NXPH1: variants seen among roughly 807,000 people sequenced by gnomAD.
The protein encoded by NXPH1 is neurexophilin 1.
NXPH1 carries 5 observed loss-of-function variants against 23.7 expected under a neutral mutation model. The ratio of observed to expected loss-of-function variants is 0.21; its 90% confidence interval spans 0.11 to 0.44. The LOEUF is 0.44. Among genes scored for constraint, NXPH1 ranks in the 20% least tolerant of loss-of-function variants. NXPH1 has a pLI of 0.99. For missense variants in NXPH1, 324 were observed against 321.6 expected, an observed-to-expected ratio of 1.01 and a Z score of -0.06; for synonymous variants, 144 against 122.2, an observed-to-expected ratio of 1.18 and a Z score of -1.18.
chr7:8,629,399 A>T (rs1820074003), intron 2 of NXPH1, among the ~76,000 whole-genome samples: 1 of 152,150 alleles, frequency 6.6e-6, no homozygotes, highest in South Asian at 2.1e-4. Context: ...ATTTGTAACT[A>T]CTAAGAAAAG....
At position 8,659,393 on chromosome 7, in the gene NXPH1, C is replaced by T. The variant is rs1446329025; in HGVS notation, c.55-91615C>T. ...GCTTCTTTGCGATGTGTTCAAACAT[C>T]CTCCTTTAGCTCAGAGAAGTTTGAT... is the stretch of plus-strand genomic sequence containing the variant. On this transcript the variant is annotated intron_variant, in intron 2 of 2. Coordinates refer to ENST00000405863, the MANE Select transcript of NXPH1 (RefSeq NM_152745.3). Among the ~76,000 whole-genome samples, 3 of 152,258 alleles carry T rather than the reference C, an allele frequency of 2.0e-5. No homozygotes were observed. The East Asian group carries it at 5.8e-4, about 29-fold the overall frequency.
At chr7:8,624,350 G>C (rs969666580) in intron 2 of NXPH1, among the ~76,000 whole-genome samples, 12 of 152,162 alleles carry the variant, frequency 7.9e-5, no homozygotes, top group African/African-American at 2.9e-4. Flanking sequence ...GTTGGAGGAA[G>C]GTTGTCCAGA....
At chr7:8,493,629 G>A (rs929800818) in intron 2 of NXPH1, among the ~76,000 whole-genome samples, 6 of 152,104 alleles carry the variant, frequency 3.9e-5, no homozygotes, top group Middle Eastern at 3.4e-3. Context: ...GTCCACTTAC[G>A]GGATTAGAAG....
chr7:8,522,663 T>A (rs1817792257), intron 2 of NXPH1, among the ~76,000 whole-genome samples: 1 of 152,210 alleles, frequency 6.6e-6, no homozygotes, highest in Non-Finnish European at 1.5e-5. Flanking sequence ...TCCTCCTGCA[T>A]TTCAGAAAAC....
intron 2 of NXPH1, among the ~76,000 whole-genome samples, chr7:8,672,700 A>G (rs1820890422): frequency 6.6e-6 from 1 of 152,200 alleles, no homozygotes; most frequent in Non-Finnish European, 1.5e-5. Context: ...ATTGTTTCAC[A>G]GAGGCGACCT....
chr7:8,448,006 C>T (rs1445861870), intron 2 of NXPH1, among the ~76,000 whole-genome samples: 1 of 152,184 alleles, frequency 6.6e-6, no homozygotes, highest in African/African-American at 2.4e-5. Context: ...AGCAAACAGG[C>T]CTGTTTTCAG....
chr7:8,708,093 A>T (rs1397679256), intron 2 of NXPH1, among the ~76,000 whole-genome samples: 2 of 152,198 alleles, frequency 1.3e-5, no homozygotes, highest in Non-Finnish European at 2.9e-5. Context: ...ATGCTGTTAC[A>T]AAGGATTCAT....
intron 2 of NXPH1, among the ~76,000 whole-genome samples, chr7:8,590,643 G>T (rs1283424834): frequency 6.6e-6 from 1 of 152,046 alleles, no homozygotes; most frequent in Non-Finnish European, 1.5e-5. Flanking sequence ...TCTGCTATTT[G>T]TAAATATTAA....
At chr7:8,487,797 C>T (rs932412230) in intron 2 of NXPH1, among the ~76,000 whole-genome samples, 4 of 152,120 alleles carry the variant, frequency 2.6e-5, no homozygotes, top group African/African-American at 9.7e-5. Context: ...CATGAGACAG[C>T]TTCGGACTGT....
intron 2 of NXPH1, among the ~76,000 whole-genome samples, chr7:8,576,480 C>A (rs756596496): frequency 1.3e-5 from 2 of 152,182 alleles, no homozygotes; most frequent in African/African-American, 2.4e-5. Context: ...TCTTGAAGTA[C>A]GTTTGAATGA....
At chr7:8,446,341 A>G (rs1238704201) in intron 2 of NXPH1, among the ~76,000 whole-genome samples, 2 of 152,254 alleles carry the variant, frequency 1.3e-5, no homozygotes, top group Non-Finnish European at 2.9e-5. Flanking sequence ...ATCTAAGTAC[A>G]TAATCAAAAT....
chr7:8,520,957 C>T lies in NXPH1; in HGVS notation c.54+85190C>T, dbSNP rs760336704. On this transcript the variant is annotated intron_variant, in intron 2 of 2. Transcript: ENST00000405863. Reference sequence around the variant, plus strand: ...GACAGCCACAAGAAATTCTGACATCCCTGCCAAATTCATTTGTCTTGTAAG... The same window carrying T: ...GACAGCCACAAGAAATTCTGACATCTCTGCCAAATTCATTTGTCTTGTAAG... Among the ~76,000 whole-genome samples the T allele has an allele frequency of 2.0e-5, 3 of 152,160 alleles. No homozygotes were observed. The East Asian group carries it at 5.8e-4, about 29-fold the overall frequency.
chr7:8,507,786 C>G (rs1008229357), intron 2 of NXPH1, among the ~76,000 whole-genome samples: 1 of 152,218 alleles, frequency 6.6e-6, no homozygotes, highest in South Asian at 2.1e-4. Context: ...AGAAAATAAG[C>G]AGTCTTTCCT....
chr7:8,546,288 C>T (rs575539414), intron 2 of NXPH1, among the ~76,000 whole-genome samples: 2 of 151,356 alleles, frequency 1.3e-5, no homozygotes, highest in East Asian at 2.0e-4. Flanking sequence ...AAACTGAGTT[C>T]GGGAGAGAAA....
chr7:8,580,727 T>C (rs1398682889), intron 2 of NXPH1, among the ~76,000 whole-genome samples: 2 of 130,054 alleles, frequency 1.5e-5, no homozygotes, highest in Non-Finnish European at 3.1e-5. Context: ...CTGAGTTGTG[T>C]TGGTCACTTT....
intron 2 of NXPH1, among the ~76,000 whole-genome samples, chr7:8,505,850 T>C (rs148768957): frequency 2.6e-5 from 4 of 152,236 alleles, no homozygotes; most frequent in African/African-American, 9.6e-5. Context: ...CTAAACTTTG[T>C]TGTGCATAAA....
intron 2 of NXPH1, among the ~76,000 whole-genome samples, chr7:8,725,439 G>A (rs935434870): frequency 6.7e-6 from 1 of 149,066 alleles, no homozygotes; most frequent in African/African-American, 2.5e-5. Flanking sequence ...GCAGTGAGCT[G>A]AGATCCAGCC....
intron 2 of NXPH1, among the ~76,000 whole-genome samples, chr7:8,466,094 TG>T (rs1816782623): frequency 6.6e-6 from 1 of 152,212 alleles, no homozygotes; most frequent in East Asian, 1.9e-4. Flanking sequence ...GATTTGGTAC[TG>T]TTGGCTTCTC....
Position 8,435,419 on chromosome 7 carries a change from C to A in NXPH1, c.-110-185C>A. ...TCCCTCTCGTCCGCCCGCCCGCCTC[C>A]CCAGCTGCGGACCGCGCGCTTGCTG... On this transcript the variant is annotated intron_variant, in intron 1 of 2. Coordinates refer to ENST00000405863, the MANE Select transcript of NXPH1 (RefSeq NM_152745.3). The surrounding 1 kb of genome is among the most constrained non-coding windows in gnomAD (Gnocchi z 5.9). 2 of 495,846 alleles carry A rather than the reference C, an allele frequency of 4.0e-6. No individual in the cohort carries two copies. The highest frequency in any genetic ancestry group is 4.6e-5 in the South Asian group (2 of 43,860). 30.7% of individuals were successfully genotyped at this position (495,846 alleles called of 1,614,324 possible). A position where few individuals can be genotyped will look rare whatever the true frequency, so the allele number is the denominator to read the frequency against.
Sources: gnomAD v4.1 joint callset for allele counts (sites outside exome capture counted in the v4.1 genomes callset) on GRCh38, gnomAD v4.1.1 for gene constraint, Gnocchi (gnomAD v3.1) non-coding constraint, MANE v1.5 for transcripts, NCBI Gene and HGNC (gene_info 2026-07-23, HGNC 2026-07-21) for gene names.